NFE2: variants seen among roughly 807,000 people sequenced by gnomAD.
NFE2 encodes nuclear factor, erythroid 2, also known as transcription factor NF-E2 45 kDa subunit.
In NFE2, 13 loss-of-function variants were observed where a neutral mutation model predicts 25.8. The ratio of observed to expected loss-of-function variants is 0.50; its 90% CI spans 0.33 to 0.80. The LOEUF is 0.80. Ranked by LOEUF, NFE2 falls within the 30% of genes least tolerant of loss-of-function variation. The pLI is 0.02. For synonymous variants in NFE2, 204 were observed against 200.2 expected, an observed-to-expected ratio of 1.02 and a Z score of -0.16; for missense variants, 382 against 478.9, an observed-to-expected ratio of 0.80 and a Z score of 1.89.
At chr12:54,299,063 A>G (rs1363312357) in intron 1 of NFE2, among the ~76,000 whole-genome samples, 1 of 151,966 alleles carries the variant, frequency 6.6e-6, no homozygotes, top group African/African-American at 2.4e-5. Context: ...AAAAAAAAAA[A>G]AAGAAGGGGA....
chr12:54,296,472 G>A (rs1396673195), intron 1 of NFE2, among the ~76,000 whole-genome samples: 1 of 150,278 alleles, frequency 6.7e-6, no homozygotes, highest in Non-Finnish European at 1.5e-5. Context: ...CAGAAACTGA[G>A]ACTGAAGCTG....
Position 54,293,021 on chromosome 12 carries a change from C to G in NFE2, c.475G>C (p.Glu159Gln). Residue 159 changes from glutamate (E) to glutamine (Q), a missense_variant, in exon 3 of 3, where the codon GAG becomes CAG. Physicochemically the swap from Glu to Gln is conservative, Grantham distance 29. Coordinates refer to ENST00000435572, the MANE Select transcript of NFE2 (RefSeq NM_001136023.3). ...SLNYSDAESL[E>Q]LEGTEAGRRR... ...CGACCAGCCTCTGTCCCCTCCAGCT[C>G]AAGAGATTCAGCATCGCTATAGTTG... 6.5e-7 allele frequency: 1 copy of G among 1,530,214 alleles called. No individual in the cohort carries two copies. Among genetic ancestry groups the G allele is most frequent in the Non-Finnish European group, 8.8e-7 (1 of 1,138,944 alleles). The allele number at this position is 1,530,214 out of a possible 1,614,324, so 94.8% of individuals were successfully genotyped here.
At chr12:54,295,078 C>A in intron 2 of NFE2, 57 bp downstream of exon 2, 1 of 1,467,180 alleles carries the variant, frequency 6.8e-7, no homozygotes. Context: ...CTGGCCAACT[C>A]CCTGCTTCTC....
At chr12:54,299,600 T>C (rs1476449985) in intron 1 of NFE2, among the ~76,000 whole-genome samples, 1 of 152,212 alleles carries the variant, frequency 6.6e-6, no homozygotes, top group African/African-American at 2.4e-5. Context: ...GAAAGATTTT[T>C]ATCATAATCC....
chr12:54,293,401 G>C lies in NFE2; in HGVS notation c.115-20C>G, dbSNP rs1201139560. 1 of 1,453,282 alleles carries C rather than the reference G, an allele frequency of 6.9e-7. No individual in the cohort carries two copies. Among genetic ancestry groups the C allele is most frequent in the South Asian group, 1.6e-5 (1 of 63,006 alleles). 90.0% of individuals were successfully genotyped at this position (1,453,282 alleles called of 1,614,324 possible). ...CAGACCCTGCAAGGAAAGACACAAA[G>C]AGATTTGGAGACAGACTAAGGAAGA... On this transcript the variant is annotated intron_variant, in intron 2 of 2. Transcript: ENST00000435572.
At chr12:54,296,244 A>C (rs1944370888) in intron 1 of NFE2, among the ~76,000 whole-genome samples, 1 of 151,970 alleles carries the variant, frequency 6.6e-6, no homozygotes, top group Admixed American at 6.6e-5. Context: ...GTCTCTACTA[A>C]AAATACAAAA....
At chr12:54,296,659 T>C (rs1250011257) in intron 1 of NFE2, among the ~76,000 whole-genome samples, 1 of 152,172 alleles carries the variant, frequency 6.6e-6, no homozygotes. Context: ...AATGTCTCTT[T>C]AGAGCCTTGA....
In NFE2 at chr12:54,295,255, G is replaced by A. The variant is rs1944361500; in HGVS notation, c.-7C>T. Reference sequence around the variant, plus strand: ...GGGGAGGACACGGGGACATCCTACTGGGCCAGAGTCTGGTCCAGGTTCCCG... The same window carrying A: ...GGGGAGGACACGGGGACATCCTACTAGGCCAGAGTCTGGTCCAGGTTCCCG... On this transcript the variant is annotated 5_prime_UTR_variant, in exon 2 of 3. Transcript: ENST00000435572. The A allele has an allele frequency of 1.2e-6, 2 of 1,612,512 alleles. No individual in the cohort carries two copies. The highest frequency in any genetic ancestry group is 3.3e-5 in the Admixed American group (2 of 59,972).
At chr12:54,296,726 C>G (rs1944375636) in intron 1 of NFE2, among the ~76,000 whole-genome samples, 1 of 152,162 alleles carries the variant, frequency 6.6e-6, no homozygotes, top group Admixed American at 6.5e-5. Context: ...TGCAGCTCTG[C>G]CACAAAGCAG....
intron 1 of NFE2, among the ~76,000 whole-genome samples, chr12:54,298,680 A>T (rs1302981336): frequency 6.6e-6 from 1 of 152,130 alleles, no homozygotes; most frequent in South Asian, 2.1e-4. Context: ...CCTGGGCTAC[A>T]TGTAAAGACA....
At position 54,300,943 on chromosome 12, in the gene NFE2, C is replaced by G. The variant is rs921317008; in HGVS notation, c.-199G>C. On this transcript the variant is annotated 5_prime_UTR_variant, in exon 1 of 3. It removes an upstream start codon present in the reference 5' UTR. Transcript: ENST00000435572. ...CGAGGACCGCGCCCCGCCCCCGGGC[C>G]ATTGCTGAGCGCTGAGTGTGGAAGC... The G allele has an allele frequency of 1.3e-5, 2 of 152,468 alleles. No individual in the cohort carries two copies. The highest frequency in any genetic ancestry group is 2.4e-5 in the African/African-American group (1 of 41,460). 9.4% of individuals were successfully genotyped at this position (152,468 alleles called of 1,614,324 possible).
At chr12:54,297,356 C>CAAAAAAAAAAAAAAAAAAAAAAA (rs35611028) in intron 1 of NFE2, among the ~76,000 whole-genome samples, 1 of 50,012 alleles carries the variant, frequency 2.0e-5, no homozygotes, top group African/African-American at 9.0e-5. Flanking sequence ...GACCCTGTCT[C>CAAAAAAAAAAAAAAAAAAAAAAA]AAAAAAAAAA....
intron 1 of NFE2, among the ~76,000 whole-genome samples, chr12:54,297,323 C>G (rs1047929685): frequency 7.3e-6 from 1 of 137,164 alleles, no homozygotes; most frequent in South Asian, 2.3e-4. Context: ...CCACCGCACT[C>G]GAGAGCCTGG....
chr12:54,293,436 ACT>A, intron 2 of NFE2, 55 bp from the exon 3 acceptor site: 2 of 1,385,592 alleles, frequency 1.4e-6, no homozygotes, highest in Admixed American at 2.6e-5. Flanking sequence ...AGAAACCAAC[ACT>A]CTCTCAGGAA....
At position 54,292,610 on chromosome 12, in the gene NFE2, G is replaced by C; in HGVS notation, c.886C>G (p.Arg296Gly). The C allele has an allele frequency of 6.2e-7, 1 of 1,614,118 alleles. No homozygotes were observed. The highest frequency in any genetic ancestry group is 8.5e-7 in the Non-Finnish European group (1 of 1,180,036). Residue 296 changes from arginine (R) to glycine (G), a missense_variant, in exon 3 of 3, where the codon CGG (arginine) becomes GGG (glycine). By Grantham distance (125) the Arg-to-Gly change is moderately radical (BLOSUM62 -2). Coordinates refer to ENST00000435572, the MANE Select transcript of NFE2 (RefSeq NM_001136023.3). ...RKLETIVQLERELERLTNERE... is the reference protein window; with the variant it reads ...RKLETIVQLEGELERLTNERE... Reference sequence around the variant, plus strand: ...TCATTGGTCAGCCGCTCCAGCTCCCGCTCCAGCTGCACAATGGTTTCCAGC... The same window carrying C: ...TCATTGGTCAGCCGCTCCAGCTCCCCCTCCAGCTGCACAATGGTTTCCAGC...
intron 1 of NFE2, among the ~76,000 whole-genome samples, chr12:54,298,177 C>T (rs1162244714): frequency 6.6e-6 from 1 of 152,060 alleles, no homozygotes; most frequent in East Asian, 1.9e-4. Flanking sequence ...AAGATCCTGC[C>T]CTAGGAGGCC....
intron 1 of NFE2, among the ~76,000 whole-genome samples, chr12:54,297,381 C>T (rs571190729): frequency 5.4e-5 from 6 of 110,636 alleles, no homozygotes; most frequent in Admixed American, 2.0e-4. Context: ...AAAAAAAAAA[C>T]GGCCAGGTGC....
chr12:54,292,325 G>A lies in NFE2; in HGVS notation c.*49C>T. ...TCAGGGTTGGGGAGTACCTTTATCA[G>A]AAGGGAATGAAGGAAATCCCATCAG... is the stretch of plus-strand genomic sequence containing the variant. On this transcript the variant is annotated 3_prime_UTR_variant, in exon 3 of 3. Transcript: ENST00000435572. 1 of 1,576,482 alleles carries A rather than the reference G, an allele frequency of 6.3e-7. No homozygotes were observed. Among genetic ancestry groups the A allele is most frequent in the Non-Finnish European group, 8.7e-7 (1 of 1,154,600 alleles).
At position 54,293,311 on chromosome 12, in the gene NFE2, G is replaced by A. The variant is rs372810327; in HGVS notation, c.185C>T (p.Pro62Leu). ...APAPYLGPPP[P>L]TTYCPCSIHP... The stretch of plus-strand genomic sequence containing the variant: ...GATTGAGCAGGGGCAGTAAGTTGTG[G>A]GTGGTGGAGGTCCAAGGTATGGAGC... Residue 62 changes from proline to leucine, a missense_variant, in exon 3 of 3, where the codon CCC (proline) becomes CTC (leucine). Transcript: ENST00000435572. 2.5e-6 allele frequency: 4 copies of A among 1,602,336 alleles called. No homozygotes were observed. The highest frequency in any genetic ancestry group is 3.4e-6 in the Non-Finnish European group (4 of 1,173,236).
Sources: allele counts gnomAD v4.1 joint callset (sites outside exome capture counted in the v4.1 genomes callset), GRCh38; gene constraint gnomAD v4.1.1; transcripts MANE v1.5; gene names NCBI Gene and HGNC (gene_info 2026-07-23, HGNC 2026-07-21).